The following KIT variants were observed in gnomAD, a reference collection of about 807,000 sequenced individuals.
KIT encodes the protein KIT proto-oncogene, receptor tyrosine kinase, also known as mast/stem cell growth factor receptor Kit.
In KIT, 16 loss-of-function variants were observed where a neutral mutation model predicts 105.7. The ratio of observed to expected loss-of-function variants is 0.15; its 90% CI spans 0.10 to 0.23. KIT has a LOEUF of 0.23. Ranked by LOEUF, KIT falls within the 10% of genes least tolerant of loss-of-function variation. The pLI is 1.00. For missense variants in KIT, 858 were observed against 1,213.8 expected (o/e 0.71, Z 4.36); for synonymous variants, 438 against 441.1 (o/e 0.99, Z 0.09).
At chr4:54,670,185 A>T (rs1486550504) in intron 1 of KIT, among the ~76,000 whole-genome samples, 1 of 152,178 alleles carries the variant, frequency 6.6e-6, no homozygotes, top group Non-Finnish European at 1.5e-5. Flanking sequence ...TTTGTTCTGG[A>T]ATGTGCCGGA....
intron 1 of KIT, among the ~76,000 whole-genome samples, chr4:54,674,332 C>T (rs772044391): frequency 1.2e-4 from 18 of 152,198 alleles, no homozygotes; most frequent in Non-Finnish European, 1.6e-4. Flanking sequence ...ACAGCCCTCT[C>T]CGCACTCACT....
chr4:54,740,527 A>G lies in KIT; in HGVS notation c.*1970A>G, dbSNP rs1205502320. The G allele has an allele frequency of 8.6e-6, 2 of 232,994 alleles. No homozygotes were observed. Among genetic ancestry groups the G allele is most frequent in the Non-Finnish European group, 1.7e-5 (2 of 117,772 alleles). The allele number at this position is 232,994 out of a possible 1,614,324, so 14.4% of individuals were successfully genotyped here. On this transcript the variant is annotated 3_prime_UTR_variant, in exon 21 of 21. Transcript: ENST00000288135. ...TTGTAAATATTGAAATGTAGCAATA[A>G]TGTCTTTTGAATATTCCCAAGCCCA...
chr4:54,679,779 C>T (rs1422377156), intron 1 of KIT, among the ~76,000 whole-genome samples: 2 of 152,158 alleles, frequency 1.3e-5, no homozygotes, highest in Non-Finnish European at 2.9e-5. Flanking sequence ...AATGTCAAGA[C>T]GAATGGATAA....
chr4:54,711,250 T>A (rs1172330030), intron 7 of KIT, among the ~76,000 whole-genome samples: 1 of 152,248 alleles, frequency 6.6e-6, no homozygotes, highest in African/African-American at 2.4e-5. Context: ...GGGTGGGTGG[T>A]GTAAGCCAAT....
chr4:54,685,421 T>A (rs957102387), intron 1 of KIT, among the ~76,000 whole-genome samples: 2 of 152,192 alleles, frequency 1.3e-5, no homozygotes, highest in Admixed American at 6.5e-5. Flanking sequence ...TTCTTCACTG[T>A]CCAGGGCCAG....
chr4:54,737,398 T>C (rs1202547730), intron 20 of KIT, 118 bp downstream of exon 20: 11 of 761,176 alleles, frequency 1.4e-5, no homozygotes, highest in Non-Finnish European at 2.6e-5. Flanking sequence ...AATCTTAGGT[T>C]GCAAATTGGG....
chr4:54,689,335 C>T (rs910845317), intron 1 of KIT, among the ~76,000 whole-genome samples: 1 of 152,048 alleles, frequency 6.6e-6, no homozygotes, highest in Non-Finnish European at 1.5e-5. Context: ...GGGGATAAAA[C>T]CAGATGACTC....
chr4:54,671,399 A>G (rs1044769814), intron 1 of KIT, among the ~76,000 whole-genome samples: 1 of 152,206 alleles, frequency 6.6e-6, no homozygotes, highest in Non-Finnish European at 1.5e-5. Context: ...CCTAGTGACC[A>G]TAGCCTTGGT....
chr4:54,726,130 A>T, intron 9 of KIT, 80 bp downstream of exon 9: 3 of 1,149,226 alleles, frequency 2.6e-6, no homozygotes. Flanking sequence ...GTTCATTCCA[A>T]CATTGACCAT....
In KIT at chr4:54,738,635, C is replaced by A. The variant is rs2109820324; in HGVS notation, c.*78C>A. 6.4e-7 allele frequency: 1 copy of A among 1,561,410 alleles called. No homozygotes were observed. The highest frequency in any genetic ancestry group is 8.7e-7 in the Non-Finnish European group (1 of 1,142,938). The stretch of plus-strand genomic sequence containing the variant: ...CCATGATGGTTATTTTCTTTTCTTT[C>A]AACTTGCATCCAACTCCAGGATAGT... On this transcript the variant is annotated 3_prime_UTR_variant, in exon 21 of 21. Coordinates refer to ENST00000288135, the MANE Select transcript of KIT (RefSeq NM_000222.3).
chr4:54,708,079 G>A lies in KIT; in HGVS notation c.1115+792G>A, dbSNP rs146212620. On this transcript the variant is annotated intron_variant, in intron 6 of 20. Coordinates refer to ENST00000288135, the MANE Select transcript of KIT (RefSeq NM_000222.3). ...GGTTGGAGGGAAGAGGATAAATTTG[G>A]GAGGTCTCCAGGTGATTGAGAGGGC... Among the ~76,000 whole-genome samples, 298 of 152,260 alleles carry A rather than the reference G, an allele frequency of 2.0e-3. 1 individual carries two copies. Among genetic ancestry groups the A allele is most frequent in the African/African-American group, 7.0e-3 (292 of 41,548 alleles).
At chr4:54,666,687 A>G (rs1267630391) in intron 1 of KIT, among the ~76,000 whole-genome samples, 4 of 152,124 alleles carry the variant, frequency 2.6e-5, no homozygotes, top group African/African-American at 9.7e-5. Flanking sequence ...TGTCATTTTG[A>G]AATGGTTCTT....
At chr4:54,729,634 A>G in intron 14 of KIT, 149 bp downstream of exon 14, 1 of 804,044 alleles carries the variant, frequency 1.2e-6, no homozygotes, top group Non-Finnish European at 2.0e-6. Flanking sequence ...TGTGATTAAC[A>G]GTTTAGAAAG....
chr4:54,684,581 C>T (rs1302913261), intron 1 of KIT, among the ~76,000 whole-genome samples: 5 of 152,170 alleles, frequency 3.3e-5, no homozygotes, highest in African/African-American at 1.2e-4. Context: ...CCTGTGTCTT[C>T]ATGCTGCCAT....
chr4:54,714,292 A>G (rs1460571585), intron 7 of KIT, among the ~76,000 whole-genome samples: 2 of 152,164 alleles, frequency 1.3e-5, no homozygotes, highest in Non-Finnish European at 2.9e-5. Flanking sequence ...CATTGCCAAG[A>G]TGCTATGGGT....
intron 1 of KIT, among the ~76,000 whole-genome samples, chr4:54,666,193 G>T (rs1468988404): frequency 1.3e-5 from 2 of 152,198 alleles, no homozygotes; most frequent in Non-Finnish European, 2.9e-5. Context: ...TATTTTTAGT[G>T]TGTGAGTGAA....
chr4:54,719,887 G>T (rs1244432366), intron 7 of KIT, among the ~76,000 whole-genome samples: 1 of 152,166 alleles, frequency 6.6e-6, no homozygotes. Context: ...CAACTTGCCA[G>T]GTACAGCTCA....
At chr4:54,663,558 G>GT (rs1392819707) in intron 1 of KIT, among the ~76,000 whole-genome samples, 1 of 149,280 alleles carries the variant, frequency 6.7e-6, no homozygotes, top group African/African-American at 2.5e-5. Context: ...TTGTTAATTA[G>GT]TGGTAATGCA....
intron 6 of KIT, 21 bp downstream of exon 6, chr4:54,707,308 T>TG (rs1184919506): frequency 3.2e-6 from 5 of 1,551,208 alleles, no homozygotes; most frequent in Non-Finnish European, 4.5e-6. Context: ...GACCTTGCCC[T>TG]GGGGGATTAC....
Sources: gnomAD v4.1 joint callset for allele counts (sites outside exome capture counted in the v4.1 genomes callset) on GRCh38, gnomAD v4.1.1 for gene constraint, MANE v1.5 for transcripts, NCBI Gene and HGNC (gene_info 2026-07-23, HGNC 2026-07-21) for gene names.